GPM6A: variants seen among roughly 807,000 people sequenced by gnomAD.
GPM6A encodes glycoprotein M6A.
Under a neutral mutation model 32.1 loss-of-function variants are expected in GPM6A, and 7 were observed. That is an observed-to-expected ratio of 0.22 (90% CI 0.12 to 0.41). The LOEUF (loss-of-function observed/expected upper bound fraction) is 0.41. GPM6A is among the 10% of genes least tolerant of loss of function. The pLI is 1.00. For missense variants in GPM6A, 235 were observed against 347.2 expected, an observed-to-expected ratio of 0.68 and a Z score of 2.57; for synonymous variants, 130 against 123.4, an observed-to-expected ratio of 1.05 and a Z score of -0.35.
At chr4:175,637,351 AT>A (rs1560842142) in intron 6 of GPM6A, among the ~76,000 whole-genome samples, 1 of 72,048 alleles carries the variant, frequency 1.4e-5, no homozygotes, top group African/African-American at 7.0e-5. Context: ...TTATATAAAA[AT>A]ATATAATATA....
chr4:175,637,390 A>G (rs1194211028), intron 6 of GPM6A, among the ~76,000 whole-genome samples: 2 of 96,786 alleles, frequency 2.1e-5, no homozygotes, highest in Admixed American at 1.7e-4. Context: ...TATAATATAT[A>G]ATAATATAAT....
chr4:175,860,039 G>C (rs1328247334), intron 1 of GPM6A, among the ~76,000 whole-genome samples: 2 of 151,924 alleles, frequency 1.3e-5, no homozygotes, highest in South Asian at 2.1e-4. Context: ...ATGGAATGCA[G>C]GGATAGGAGT....
intron 1 of GPM6A, among the ~76,000 whole-genome samples, chr4:175,965,629 T>TTTC (rs60801708): frequency 6.6e-6 from 1 of 151,152 alleles, no homozygotes; most frequent in African/African-American, 2.4e-5. Flanking sequence ...TTTTTTTTTT[T>TTTC]CCAAGACAGA....
intron 1 of GPM6A, among the ~76,000 whole-genome samples, chr4:175,997,382 A>G (rs1245766382): frequency 3.9e-5 from 6 of 152,194 alleles, no homozygotes; most frequent in African/African-American, 1.4e-4. Context: ...AAATGATCAA[A>G]AGTATTATCC....
chr4:175,862,544 T>A (rs1467970845), intron 1 of GPM6A, among the ~76,000 whole-genome samples: 4 of 152,342 alleles, frequency 2.6e-5, no homozygotes, highest in African/African-American at 7.2e-5. Context: ...GCTGTGAACA[T>A]CTATATACTT....
At chr4:175,840,178 A>G (rs1735891940) in intron 1 of GPM6A, among the ~76,000 whole-genome samples, 1 of 152,162 alleles carries the variant, frequency 6.6e-6, no homozygotes, top group Admixed American at 6.5e-5. Flanking sequence ...GTTAAATCTA[A>G]CCCATCATAA....
chr4:175,636,954 A>ATATG (rs1298758651), intron 6 of GPM6A, among the ~76,000 whole-genome samples: 1 of 132,308 alleles, frequency 7.6e-6, no homozygotes, highest in African/African-American at 2.8e-5. Flanking sequence ...ATATATATAT[A>ATATG]TGTATTTATA....
intron 1 of GPM6A, among the ~76,000 whole-genome samples, chr4:175,987,037 A>T (rs1196046169): frequency 6.6e-6 from 1 of 152,178 alleles, no homozygotes; most frequent in Non-Finnish European, 1.5e-5. Context: ...CTGACATTTT[A>T]AGAGGAATTT....
intron 1 of GPM6A, chr4:175,798,533 A>G (rs1178378145): frequency 6.6e-6 from 1 of 152,228 alleles, no homozygotes; most frequent in Non-Finnish European, 1.5e-5. Flanking sequence ...ACAATGAGCA[A>G]TGTGGTAAAT....
chr4:175,792,792 T>A (rs1320864595), intron 1 of GPM6A, among the ~76,000 whole-genome samples: 1 of 152,232 alleles, frequency 6.6e-6, no homozygotes, highest in Non-Finnish European at 1.5e-5. Flanking sequence ...TATGGGATTC[T>A]CATGTTATTG....
At chr4:175,867,881 T>G (rs1238542337) in intron 1 of GPM6A, among the ~76,000 whole-genome samples, 1 of 152,236 alleles carries the variant, frequency 6.6e-6, no homozygotes, top group Non-Finnish European at 1.5e-5. Context: ...TGGTTCTGGT[T>G]AAATAGTTTC....
At chr4:175,821,947 C>A (rs1735290175) in intron 1 of GPM6A, among the ~76,000 whole-genome samples, 1 of 151,976 alleles carries the variant, frequency 6.6e-6, no homozygotes, top group Admixed American at 6.6e-5. Context: ...ACTGTGCATT[C>A]TAGGGTCCCC....
chr4:175,928,911 T>C (rs1335455645), intron 1 of GPM6A, among the ~76,000 whole-genome samples: 1 of 152,248 alleles, frequency 6.6e-6, no homozygotes, highest in Non-Finnish European at 1.5e-5. Context: ...GGTTATATTC[T>C]TGATTAATTT....
At chr4:175,694,844 C>T (rs1579393882) in intron 2 of GPM6A, among the ~76,000 whole-genome samples, 1 of 152,178 alleles carries the variant, frequency 6.6e-6, no homozygotes, top group African/African-American at 2.4e-5. Context: ...GTGGCAGCCC[C>T]TCCCATCACA....
In GPM6A at chr4:175,838,644, ATT is replaced by A. The variant is rs569099649; in HGVS notation, c.-22-26397_-22-26396del. Reference sequence around the variant, plus strand: ...AGGATATGGTGGTTTCTAGCAGTGAATTTTTTTTTTTTTTTTTTTTTTTTTTT... The same window carrying A: ...AGGATATGGTGGTTTCTAGCAGTGAATTTTTTTTTTTTTTTTTTTTTTTTT... On this transcript the variant is annotated intron_variant, in intron 1 of 7. Transcript: ENST00000280187. 8.7e-3 allele frequency among the ~76,000 whole-genome samples: 692 copies of A among 79,752 alleles called. 8 individuals carry two copies. Among genetic ancestry groups the A allele is most frequent in the African/African-American group, 0.031 (548 of 17,562 alleles). 52.3% of individuals were successfully genotyped at this position (79,752 alleles called of 152,430 possible).
intron 1 of GPM6A, among the ~76,000 whole-genome samples, chr4:175,930,823 T>C (rs552762672): frequency 2.6e-5 from 4 of 152,260 alleles, no homozygotes; most frequent in South Asian, 4.1e-4. Context: ...TTTGGCACAA[T>C]ATATTATTAA....
chr4:175,878,892 T>A (rs1737176616), intron 1 of GPM6A, among the ~76,000 whole-genome samples: 1 of 152,184 alleles, frequency 6.6e-6, no homozygotes, highest in East Asian at 1.9e-4. Context: ...AAACCATATC[T>A]TTGTGATTAC....
At chr4:175,810,574 G>A (rs1041126305) in intron 1 of GPM6A, among the ~76,000 whole-genome samples, 4 of 152,136 alleles carry the variant, frequency 2.6e-5, no homozygotes, top group Admixed American at 2.0e-4. Flanking sequence ...CTTGGTTCCC[G>A]CATCTACCAA....
chr4:175,831,829 C>G (rs973939607), intron 1 of GPM6A, among the ~76,000 whole-genome samples: 3 of 139,694 alleles, frequency 2.1e-5, no homozygotes, highest in Non-Finnish European at 4.5e-5. Context: ...AGTGATTCTC[C>G]TGCCTCAGCC....
Sources: gnomAD v4.1 joint callset for allele counts (sites outside exome capture counted in the v4.1 genomes callset) on GRCh38, gnomAD v4.1.1 for gene constraint, MANE v1.5 for transcripts, NCBI Gene and HGNC (gene_info 2026-07-23, HGNC 2026-07-21) for gene names.